Variants in MLLT3 observed in about 807,000 individuals in gnomAD.
The protein encoded by MLLT3 is protein AF-9.
In MLLT3, 4 loss-of-function variants were observed where a neutral mutation model predicts 53.2. The ratio of observed to expected loss-of-function variants is 0.08; its 90% CI spans 0.04 to 0.17. The LOEUF is 0.17. MLLT3 is among the 10% of genes least tolerant of loss of function. MLLT3 has a pLI of 1.00. For missense variants in MLLT3, 569 were observed against 684.0 expected, an observed-to-expected ratio of 0.83 and a Z score of 1.87; for synonymous variants, 283 against 230.6, an observed-to-expected ratio of 1.23 and a Z score of -2.06.
In MLLT3 at chr9:20,620,947, C is replaced by G. The variant is rs751193459; in HGVS notation, c.13-113G>C. ...TTCTTGAAACGCACATAAAAGGAAA[C>G]GGCGGTGCCCTCTGCATCCACGTTT... On this transcript the variant is annotated intron_variant, in intron 1 of 10. Transcript: ENST00000380338. This position sits in a 1 kb window ranked among gnomAD's most constrained non-coding sequence, Gnocchi z 6.1. The G allele has an allele frequency of 2.5e-6, 3 of 1,192,360 alleles. No homozygotes were observed. The highest frequency in any genetic ancestry group is 1.9e-5 in the Admixed American group (1 of 53,184). 73.9% of individuals were successfully genotyped at this position (1,192,360 alleles called of 1,614,324 possible). A position where few individuals can be genotyped will look rare whatever the true frequency, so the allele number is the denominator to read the frequency against.
intron 2 of MLLT3, among the ~76,000 whole-genome samples, chr9:20,488,743 T>C (rs1457500623): frequency 6.6e-6 from 1 of 152,204 alleles, no homozygotes; most frequent in Non-Finnish European, 1.5e-5. Context: ...AAGTGGTTAA[T>C]GTAAAGGAAC....
chr9:20,365,784 G>A (rs769798002), intron 5 of MLLT3, 40 bp from the exon 6 acceptor site: 36 of 1,600,036 alleles, frequency 2.2e-5, no homozygotes, highest in East Asian at 6.7e-5. Flanking sequence ...ATAAATTTAC[G>A]GGATACCACA....
At position 20,344,139 on chromosome 9, in the gene MLLT3, T is replaced by C. The variant is rs765949306; in HGVS notation, c.*2304A>G. The stretch of plus-strand genomic sequence containing the variant: ...TAATTTTCAAGTCTAAAGTTTATCA[T>C]ATAATAGCTGTCCTTCTTATCATTA... On this transcript the variant is annotated 3_prime_UTR_variant, in exon 11 of 11. Coordinates refer to ENST00000380338, the MANE Select transcript of MLLT3 (RefSeq NM_004529.4). 5.1e-6 allele frequency: 1 copy of C among 195,146 alleles called. No individual in the cohort carries two copies. The highest frequency in any genetic ancestry group is 1.1e-5 in the Non-Finnish European group (1 of 94,120). The allele number at this position is 195,146 out of a possible 1,614,324, so 12.1% of individuals were successfully genotyped here.
At chr9:20,414,528 A>G (rs1419474236) in intron 4 of MLLT3, 103 bp from the exon 5 acceptor site, 1 of 1,520,362 alleles carries the variant, frequency 6.6e-7, no homozygotes, top group East Asian at 2.3e-5. Flanking sequence ...CTCTCAAGCT[A>G]TCATTAAAAT....
intron 2 of MLLT3, among the ~76,000 whole-genome samples, chr9:20,562,118 A>G (rs973851591): frequency 6.6e-5 from 10 of 152,156 alleles, no homozygotes; most frequent in African/African-American, 2.4e-4. Flanking sequence ...AGATATATAA[A>G]GCCATGCATG....
At chr9:20,378,202 T>G (rs576136991) in intron 5 of MLLT3, among the ~76,000 whole-genome samples, 1 of 152,100 alleles carries the variant, frequency 6.6e-6, no homozygotes, top group Non-Finnish European at 1.5e-5. Flanking sequence ...ACATAATATG[T>G]TGGCTTACTA....
chr9:20,461,478 T>C (rs1304562673), intron 2 of MLLT3, among the ~76,000 whole-genome samples: 1 of 152,132 alleles, frequency 6.6e-6, no homozygotes, highest in Non-Finnish European at 1.5e-5. Flanking sequence ...AATTTTAATA[T>C]TCTCGTTTAG....
At chr9:20,485,403 C>A (rs1048393691) in intron 2 of MLLT3, among the ~76,000 whole-genome samples, 2 of 152,184 alleles carry the variant, frequency 1.3e-5, no homozygotes, top group African/African-American at 4.8e-5. Context: ...TGGTGAAAAT[C>A]TCTTAGGGAA....
At chr9:20,433,958 C>CAAAAAA (rs773196575) in intron 4 of MLLT3, among the ~76,000 whole-genome samples, 1 of 133,874 alleles carries the variant, frequency 7.5e-6, no homozygotes, top group African/African-American at 2.8e-5. Flanking sequence ...ACTAAAAATA[C>CAAAAAA]AAAAAAAAAA....
chr9:20,557,612 C>T (rs1165174475), intron 2 of MLLT3, among the ~76,000 whole-genome samples: 1 of 152,130 alleles, frequency 6.6e-6, no homozygotes, highest in Non-Finnish European at 1.5e-5. Flanking sequence ...CAGGGCACTG[C>T]TTACTTGCAA....
At chr9:20,526,472 T>C (rs1380022209) in intron 2 of MLLT3, among the ~76,000 whole-genome samples, 4 of 152,198 alleles carry the variant, frequency 2.6e-5, no homozygotes, top group South Asian at 2.1e-4. Context: ...GGCTTATGCA[T>C]AGAATACACA....
At chr9:20,415,503 T>C in intron 4 of MLLT3, 1 of 852,316 alleles carries the variant, frequency 1.2e-6, no homozygotes, top group South Asian at 5.4e-5. Flanking sequence ...CATGCAAAAA[T>C]CCACATCAAT....
chr9:20,615,589 T>C (rs948772269), intron 2 of MLLT3, among the ~76,000 whole-genome samples: 3 of 152,000 alleles, frequency 2.0e-5, no homozygotes, highest in East Asian at 1.9e-4. Context: ...CTTCCATGTA[T>C]TGGGCAATTT....
intron 6 of MLLT3, among the ~76,000 whole-genome samples, chr9:20,365,082 T>A (rs890737449): frequency 1.3e-5 from 2 of 152,216 alleles, no homozygotes; most frequent in African/African-American, 4.8e-5. Context: ...CAAAGCCTCT[T>A]AAAGCTTTTG....
intron 2 of MLLT3, among the ~76,000 whole-genome samples, chr9:20,493,428 T>G (rs1037551204): frequency 6.6e-6 from 1 of 151,970 alleles, no homozygotes; most frequent in Non-Finnish European, 1.5e-5. Flanking sequence ...TCAGGAAGGG[T>G]TAGTATTTCT....
At position 20,414,085 on chromosome 9, in the gene MLLT3, T is replaced by C. The variant is rs1465545400; in HGVS notation, c.761A>G (p.Lys254Arg). 4 of 1,613,688 alleles carry C rather than the reference T, an allele frequency of 2.5e-6. No individual in the cohort carries two copies. Among genetic ancestry groups the C allele is most frequent in the South Asian group, 1.1e-5 (1 of 91,008 alleles). ...EEKIVPKMAFKEPKPMSKEPK... is the reference protein window; with the variant it reads ...EEKIVPKMAFREPKPMSKEPK... ...CTCTTTTGACATGGGTTTAGGTTCC[T>C]TGAAGGCCATCTTAGGAACTATTTT... The change falls in exon 5 of 11, where the codon AAG becomes AGG. Residue 254 changes from lysine (K) to arginine (R), a missense_variant. Physicochemically the swap from Lys to Arg is conservative, Grantham distance 26. Around this residue, in one of 5 missense-constraint regions of MLLT3, gnomAD observed 437 missense variants for 376.5 expected, o/e 1.16. Coordinates refer to ENST00000380338, the MANE Select transcript of MLLT3 (RefSeq NM_004529.4).
At chr9:20,531,218 C>T (rs1376912597) in intron 2 of MLLT3, among the ~76,000 whole-genome samples, 3 of 150,964 alleles carry the variant, frequency 2.0e-5, no homozygotes, top group African/African-American at 7.3e-5. Flanking sequence ...TCACTGCAAC[C>T]TCTACCTTCC....
chr9:20,498,227 CAAAAAAAAAAAAAAAAAAAAAAAA>C (rs529049653), intron 2 of MLLT3, among the ~76,000 whole-genome samples: 589 of 32,528 alleles, frequency 0.018, 17 homozygotes, highest in African/African-American at 0.044. Context: ...GACGCTGTCT[CAAAAAAAAAAAAAAAAAAAAAAAA>C]AAAAAAAAAA....
rs1554673228 is a variant in MLLT3, at chr9:20,342,834, G to GTGTATATATATATA, written c.*3608_*3609insTATATATATATACA. 70 of 166,690 alleles carry GTGTATATATATATA rather than the reference G, an allele frequency of 4.2e-4. No homozygotes were observed. Among genetic ancestry groups the GTGTATATATATATA allele is most frequent in the African/African-American group, 1.6e-3 (65 of 40,232 alleles). 10.3% of individuals were successfully genotyped at this position (166,690 alleles called of 1,614,324 possible). A position where few individuals can be genotyped will look rare whatever the true frequency, so the allele number is the denominator to read the frequency against. ...AAGATTACTCTGATAATATATATGT[G>GTGTATATATATATA]TATATATATATATATATGTATATAT... On this transcript the variant is annotated 3_prime_UTR_variant, in exon 11 of 11. Coordinates refer to ENST00000380338, the MANE Select transcript of MLLT3 (RefSeq NM_004529.4).
Sources: gnomAD v4.1 joint callset for allele counts (sites outside exome capture counted in the v4.1 genomes callset) on GRCh38, gnomAD v4.1.1 for gene constraint, gnomAD v4.1.1 regional missense constraint, Gnocchi (gnomAD v3.1) non-coding constraint, MANE v1.5 for transcripts, NCBI Gene and HGNC (gene_info 2026-07-23, HGNC 2026-07-21) for gene names.